The following GTF2F2 variants were observed in gnomAD, a reference collection of about 807,000 sequenced individuals.
GTF2F2 encodes ATP-dependent helicase GTF2F2.
Under a neutral mutation model 42.2 loss-of-function variants are expected in GTF2F2, and 23 were observed. That is an observed-to-expected ratio of 0.55 (90% CI 0.39 to 0.77). GTF2F2 has a LOEUF of 0.77. Ranked by LOEUF, GTF2F2 falls within the 30% of genes least tolerant of loss-of-function variation. GTF2F2 has a pLI of 0.00. For synonymous variants in GTF2F2, 105 were observed against 100.8 expected, an observed-to-expected ratio of 1.04 and a Z score of -0.25; for missense variants, 261 against 287.2, an observed-to-expected ratio of 0.91 and a Z score of 0.66.
intron 5 of GTF2F2, among the ~76,000 whole-genome samples, chr13:45,247,314 G>A (rs1385487306): frequency 6.6e-6 from 1 of 151,736 alleles, no homozygotes; most frequent in Non-Finnish European, 1.5e-5. Flanking sequence ...ACTCCAGCCT[G>A]GGAGACAGAG....
intron 6 of GTF2F2, among the ~76,000 whole-genome samples, chr13:45,262,071 C>G (rs867927872): frequency 6.7e-6 from 1 of 148,152 alleles, no homozygotes; most frequent in Non-Finnish European, 1.5e-5. Context: ...TAGACATTAT[C>G]AAAAAAAAAA....
At chr13:45,165,487 C>T (rs1350252864) in intron 4 of GTF2F2, among the ~76,000 whole-genome samples, 2 of 151,442 alleles carry the variant, frequency 1.3e-5, no homozygotes, top group Non-Finnish European at 2.9e-5. Context: ...ACCGATTTCT[C>T]AGCTGTATAT....
intron 3 of GTF2F2, among the ~76,000 whole-genome samples, chr13:45,151,368 G>GT (rs1346815423): frequency 4.6e-5 from 7 of 151,742 alleles, no homozygotes; most frequent in South Asian, 2.1e-4. Context: ...TCTCTCTTTT[G>GT]TTTTTTTTAA....
At chr13:45,220,972 T>A (rs1035302952) in intron 5 of GTF2F2, 7 of 152,232 alleles carry the variant, frequency 4.6e-5, no homozygotes, top group Non-Finnish European at 1.0e-4. Context: ...TGTGTGTCTG[T>A]GTGTGTATAT....
intron 4 of GTF2F2, among the ~76,000 whole-genome samples, chr13:45,172,519 C>T (rs1200274839): frequency 3.9e-5 from 6 of 152,026 alleles, no homozygotes; most frequent in Admixed American, 1.3e-4. Context: ...TGATGGTATT[C>T]GTTGGAGTAC....
chr13:45,273,993 G>A (rs1449067592), intron 7 of GTF2F2, among the ~76,000 whole-genome samples: 1 of 152,126 alleles, frequency 6.6e-6, no homozygotes, highest in African/African-American at 2.4e-5. Context: ...CTGTGGTGTT[G>A]GATCGGTGTT....
chr13:45,152,199 G>A lies in GTF2F2; in HGVS notation c.304+368G>A, dbSNP rs545084933. Among the ~76,000 whole-genome samples the A allele has an allele frequency of 9.9e-5, 15 of 152,266 alleles. No individual in the cohort carries two copies. In the South Asian group the frequency reaches 3.1e-3, roughly 32 times the overall value. ...CAAAGTGCTGGGATTACAGGCGTGA[G>A]CCACCGCACCCAGCCTCCTGTTTGC... On this transcript the variant is annotated intron_variant, in intron 4 of 7. Coordinates refer to ENST00000340473, the MANE Select transcript of GTF2F2 (RefSeq NM_004128.3).
chr13:45,250,907 AAGTATAATTGTAAGTATT>A (rs1160237292), intron 5 of GTF2F2, among the ~76,000 whole-genome samples: 1 of 152,242 alleles, frequency 6.6e-6, no homozygotes, highest in East Asian at 1.9e-4. Context: ...ATGAAAAGCA[AAGTATAATTGTAAGTATT>A]ATTTATGGTT....
chr13:45,254,294 T>C (rs943786724), intron 6 of GTF2F2, among the ~76,000 whole-genome samples: 10 of 152,184 alleles, frequency 6.6e-5, no homozygotes, highest in Admixed American at 6.5e-4. Context: ...ATATATAGAG[T>C]TTGGTACTAT....
At chr13:45,197,343 A>T (rs1593485578) in intron 4 of GTF2F2, among the ~76,000 whole-genome samples, 3 of 96,144 alleles carry the variant, frequency 3.1e-5, no homozygotes, top group South Asian at 2.9e-4. Flanking sequence ...CCAAAAATTA[A>T]AAAAAAAAAA....
Position 45,212,518 on chromosome 13 carries a change from TTCTCTTTCTC to T in GTF2F2, c.386+5017_386+5026del, listed in dbSNP as rs1275989490. On this transcript the variant is annotated intron_variant, in intron 5 of 7. Transcript: ENST00000340473. ...TTCTTTCTTTCTTTCTTTTCTTTCTTTCTCTTTCTCTCTTTCTCACTTTCTCTCTCTCTCT... is the reference window on the plus strand; with the variant it reads ...TTCTTTCTTTCTTTCTTTTCTTTCTTTCTTTCTCACTTTCTCTCTCTCTCT... 9.0e-4 allele frequency among the ~76,000 whole-genome samples: 124 copies of T among 137,350 alleles called. 6 individuals carry two copies. The highest frequency in any genetic ancestry group is 1.8e-3 in the Non-Finnish European group (109 of 62,190). The allele number at this position is 137,350 out of a possible 152,430, so 90.1% of individuals were successfully genotyped here.
chr13:45,176,856 G>T (rs1478477314), intron 4 of GTF2F2, among the ~76,000 whole-genome samples: 1 of 151,990 alleles, frequency 6.6e-6, no homozygotes, highest in African/African-American at 2.4e-5. Context: ...TGCAGTCTTG[G>T]CTCACTGCAA....
chr13:45,191,982 G>A (rs1476708955), intron 4 of GTF2F2, among the ~76,000 whole-genome samples: 2 of 152,070 alleles, frequency 1.3e-5, no homozygotes, highest in East Asian at 1.9e-4. Context: ...TATCCGTAAT[G>A]AAATCTTGTA....
At chr13:45,174,131 AT>A (rs1352546823) in intron 4 of GTF2F2, among the ~76,000 whole-genome samples, 1 of 152,136 alleles carries the variant, frequency 6.6e-6, no homozygotes, top group Admixed American at 6.5e-5. Context: ...TTGTTCCCAG[AT>A]TTTGGCTACT....
chr13:45,121,849 A>T (rs1361733265), intron 1 of GTF2F2, among the ~76,000 whole-genome samples: 1 of 152,184 alleles, frequency 6.6e-6, no homozygotes, highest in Non-Finnish European at 1.5e-5. Flanking sequence ...ACTTAAAAGG[A>T]TGGATTAAAT....
intron 2 of GTF2F2, among the ~76,000 whole-genome samples, chr13:45,149,348 T>G (rs1593455618): frequency 1.5e-5 from 2 of 135,398 alleles, no homozygotes; most frequent in African/African-American, 2.8e-5. Flanking sequence ...GAGGCTGAAG[T>G]GGGAGGATCA....
At chr13:45,203,500 C>G (rs1873297147) in intron 4 of GTF2F2, among the ~76,000 whole-genome samples, 1 of 152,130 alleles carries the variant, frequency 6.6e-6, no homozygotes. Context: ...CCCTTTCAGT[C>G]TCCAGTTGTC....
Position 45,207,973 on chromosome 13 carries a change from A to G in GTF2F2, c.386+468A>G, listed in dbSNP as rs570657702. ...GGAGTTTGAGACCAACCTGGGCAACATGGTGATATCCTATCTCTACAAAAA... is the reference window on the plus strand; with the variant it reads ...GGAGTTTGAGACCAACCTGGGCAACGTGGTGATATCCTATCTCTACAAAAA... On this transcript the variant is annotated intron_variant, in intron 5 of 7. Transcript: ENST00000340473. 3.1e-4 allele frequency among the ~76,000 whole-genome samples: 47 copies of G among 152,226 alleles called. 1 individual carries two copies. The highest frequency in any genetic ancestry group is 2.1e-3 in the Admixed American group (32 of 15,290).
In GTF2F2 at chr13:45,176,642, C is replaced by T. The variant is rs1593472432; in HGVS notation, c.304+24811C>T. 5.3e-5 allele frequency among the ~76,000 whole-genome samples: 8 copies of T among 152,150 alleles called. No individual in the cohort carries two copies. In the South Asian group the frequency reaches 1.7e-3, roughly 32 times the overall value. On this transcript the variant is annotated intron_variant, in intron 4 of 7. Transcript: ENST00000340473. The stretch of plus-strand genomic sequence containing the variant: ...ATCTTTAATAGTCCAGTTTGTCAGT[C>T]TTGTCTTTGTGGCTTGTGCTTTTGT...
Sources: gnomAD v4.1 joint callset for allele counts (sites outside exome capture counted in the v4.1 genomes callset) on GRCh38, gnomAD v4.1.1 for gene constraint, MANE v1.5 for transcripts, NCBI Gene and HGNC (gene_info 2026-07-23, HGNC 2026-07-21) for gene names.